Variants in LONP2 observed in about 807,000 individuals in gnomAD.
The protein encoded by LONP2 is lon protease homolog 2, peroxisomal.
Under a neutral mutation model 85.6 loss-of-function variants are expected in LONP2, and 60 were observed. That is an observed-to-expected ratio of 0.70 (90% CI 0.57 to 0.87). LONP2 has a LOEUF of 0.87. LONP2 is among the 40% of genes least tolerant of loss of function. The pLI is 0.00. For missense variants in LONP2, 860 were observed against 1,063.5 expected (o/e 0.81, Z 2.66); for synonymous variants, 395 against 389.7 (o/e 1.01, Z -0.16).
chr16:48,330,167 T>C (rs1001526214), intron 11 of LONP2, among the ~76,000 whole-genome samples: 3 of 152,260 alleles, frequency 2.0e-5, no homozygotes, highest in Non-Finnish European at 4.4e-5. Context: ...CGGCTTGTTT[T>C]TATAATTTGA....
Position 48,347,639 on chromosome 16 carries a change from G to A in LONP2, c.2071G>A (p.Asp691Asn), listed in dbSNP as rs567114185. Residue 691 changes from aspartate (D) to asparagine (N), a missense_variant, in exon 13 of 15, where the codon GAC becomes AAC. Coordinates refer to ENST00000285737, the MANE Select transcript of LONP2 (RefSeq NM_031490.5). ...GTTAACTCTGACCGGCCAGCTCGGG[G>A]ACGTGATGAAGGAGTCCGCCCACCT... Reference protein sequence around the residue: ...GQLTLTGQLGDVMKESAHLAI... With the variant: ...GQLTLTGQLGNVMKESAHLAI... 1.5e-5 allele frequency: 24 copies of A among 1,614,256 alleles called. No homozygotes were observed. In the East Asian group the frequency reaches 5.3e-4, roughly 36 times the overall value.
chr16:48,273,921 C>G (rs973432849), intron 7 of LONP2, among the ~76,000 whole-genome samples: 1 of 152,068 alleles, frequency 6.6e-6, no homozygotes, highest in South Asian at 2.1e-4. Flanking sequence ...GAAAAATGAA[C>G]TTGTGATTTC....
chr16:48,288,664 T>C (rs1461938099), intron 8 of LONP2, among the ~76,000 whole-genome samples: 1 of 152,122 alleles, frequency 6.6e-6, no homozygotes, highest in Non-Finnish European at 1.5e-5. Context: ...CCTGTGTGCA[T>C]GCATCCCTGG....
At chr16:48,299,855 C>T (rs1231751219) in intron 10 of LONP2, 67 bp downstream of exon 10, 29 of 1,501,766 alleles carry the variant, frequency 1.9e-5, no homozygotes, top group African/African-American at 2.8e-5. Context: ...AGTTACCAAA[C>T]AGGACATAGA....
intron 8 of LONP2, among the ~76,000 whole-genome samples, chr16:48,282,179 C>T (rs1464425994): frequency 6.6e-6 from 1 of 151,792 alleles, no homozygotes; most frequent in African/African-American, 2.4e-5. Flanking sequence ...GAGGCCGAGG[C>T]GGGTGGATTG....
intron 8 of LONP2, among the ~76,000 whole-genome samples, chr16:48,283,542 A>G (rs1443769760): frequency 6.6e-6 from 1 of 152,174 alleles, no homozygotes; most frequent in Non-Finnish European, 1.5e-5. Flanking sequence ...TTGTTCTGTA[A>G]ATGGAACAAC....
chr16:48,270,839 C>T (rs539484370), intron 7 of LONP2, among the ~76,000 whole-genome samples: 192 of 152,192 alleles, frequency 1.3e-3, no homozygotes, highest in Non-Finnish European at 2.1e-3. Flanking sequence ...TAAGAACTGT[C>T]CCTCTAGGCT....
chr16:48,322,749 G>T (rs576728975), intron 11 of LONP2, among the ~76,000 whole-genome samples: 31 of 152,156 alleles, frequency 2.0e-4, no homozygotes, highest in South Asian at 1.7e-3. Context: ...TTTAAATGAA[G>T]CATAGTAAGT....
At chr16:48,293,425 C>CA (rs113336786) in intron 8 of LONP2, among the ~76,000 whole-genome samples, 152 of 133,442 alleles carry the variant, frequency 1.1e-3, no homozygotes, top group Middle Eastern at 3.8e-3. Context: ...GAGACTGTCT[C>CA]AAAAAAAAAA....
chr16:48,337,665 C>T (rs1029088246), intron 12 of LONP2, among the ~76,000 whole-genome samples: 10 of 152,136 alleles, frequency 6.6e-5, no homozygotes, highest in African/African-American at 1.9e-4. Flanking sequence ...CTGAGCAGGG[C>T]GTCTGTTCTT....
At chr16:48,334,531 G>T in intron 12 of LONP2, 173 bp downstream of exon 12, 1 of 776,446 alleles carries the variant, frequency 1.3e-6, no homozygotes, top group South Asian at 1.5e-5. Flanking sequence ...TGCAGCAGTT[G>T]ACTGCATGGG....
chr16:48,311,424 C>A (rs1973029686), intron 11 of LONP2, among the ~76,000 whole-genome samples: 1 of 146,302 alleles, frequency 6.8e-6, no homozygotes, highest in African/African-American at 2.5e-5. Flanking sequence ...GAGGTTCTTT[C>A]TTCTGCTTGG....
At chr16:48,312,491 T>C (rs1973054806) in intron 11 of LONP2, among the ~76,000 whole-genome samples, 1 of 152,176 alleles carries the variant, frequency 6.6e-6, no homozygotes, top group African/African-American at 2.4e-5. Flanking sequence ...GTATCTATTA[T>C]GTATGTTGAG....
chr16:48,299,686 A>C lies in LONP2; in HGVS notation c.1559A>C (p.Glu520Ala). 1 of 1,613,772 alleles carries C rather than the reference A, an allele frequency of 6.2e-7. No homozygotes were observed. Among genetic ancestry groups the C allele is most frequent in the Non-Finnish European group, 8.5e-7 (1 of 1,179,842 alleles). The change falls in exon 10 of 15, where the codon GAG becomes GCG. Residue 520 changes from glutamate (E) to alanine (A), a missense_variant. Around this residue, in one of 3 missense-constraint regions of LONP2, gnomAD observed 743 missense variants for 917.3 expected, o/e 0.81. Transcript: ENST00000285737. ...GGTTATACACAGGAGGAGAAGATAGAGATTGCCCATAGGCACTTGATCCCC... is the reference window on the plus strand; with the variant it reads ...GGTTATACACAGGAGGAGAAGATAGCGATTGCCCATAGGCACTTGATCCCC... ...VPGYTQEEKI[E>A]IAHRHLIPKQ...
At position 48,300,374 on chromosome 16, in the gene LONP2, A is replaced by G. The variant is rs1329492353; in HGVS notation, c.1661+586A>G. 4.6e-5 allele frequency among the ~76,000 whole-genome samples: 7 copies of G among 152,344 alleles called. 1 individual carries two copies. On this transcript the variant is annotated intron_variant, in intron 10 of 14. Transcript: ENST00000285737. ...TTAAGCCTGTAGCAAGCAGTGTGTAAATTATCTGAATAGAGTATTGCTTAG... is the reference window on the plus strand; with the variant it reads ...TTAAGCCTGTAGCAAGCAGTGTGTAGATTATCTGAATAGAGTATTGCTTAG...
rs547987503 is a variant in LONP2, at chr16:48,309,839, G to A, written c.1795+6534G>A. Among the ~76,000 whole-genome samples the A allele has an allele frequency of 2.7e-4, 41 of 152,200 alleles. 1 individual carries two copies. The highest frequency in any genetic ancestry group is 1.6e-3 in the Admixed American group (24 of 15,290). On this transcript the variant is annotated intron_variant, in intron 11 of 14. Coordinates refer to ENST00000285737, the MANE Select transcript of LONP2 (RefSeq NM_031490.5). ...TTGTGGTTGTTGGGTAGAATGTTCT[G>A]TAAATGTCTGTTAGGTCCATTTGGT...
downstream of LONP2, chr16:48,357,379 C>G (rs2151040473): frequency 6.6e-6 from 1 of 152,318 alleles, no homozygotes; most frequent in East Asian, 1.9e-4. Flanking sequence ...AAGCAGTAAA[C>G]TACCAAATAC....
At chr16:48,251,961 T>C (rs917828479) in intron 1 of LONP2, among the ~76,000 whole-genome samples, 170 bp from the exon 2 acceptor site, 2 of 152,218 alleles carry the variant, frequency 1.3e-5, no homozygotes, top group African/African-American at 4.8e-5. Context: ...CTGAGGGTAG[T>C]GGCAGAAGAG....
chr16:48,343,121 C>T (rs1959863791), intron 12 of LONP2, among the ~76,000 whole-genome samples: 1 of 152,166 alleles, frequency 6.6e-6, no homozygotes, highest in Non-Finnish European at 1.5e-5. Context: ...GTGTCTGATG[C>T]CCTTAGTCTC....
Sources: allele counts gnomAD v4.1 joint callset (sites outside exome capture counted in the v4.1 genomes callset), GRCh38; gene constraint gnomAD v4.1.1; regional missense constraint gnomAD v4.1.1; transcripts MANE v1.5; gene names NCBI Gene and HGNC (gene_info 2026-07-23, HGNC 2026-07-21).